The following VPS13C variants were observed in gnomAD, a reference collection of about 807,000 sequenced individuals.
VPS13C encodes vacuolar protein sorting 13 homolog C.
Under a neutral mutation model 456.8 loss-of-function variants are expected in VPS13C, and 358 were observed. That is an observed-to-expected ratio of 0.78 (90% confidence interval 0.72 to 0.86). The LOEUF is 0.86. Among genes scored for constraint, VPS13C ranks in the 40% least tolerant of loss-of-function variants. The pLI, the probability that VPS13C is intolerant of heterozygous loss-of-function variation, is 0.00. For missense variants in VPS13C, 4,818 were observed against 4,385.4 expected, an observed-to-expected ratio of 1.10 and a Z score of -2.79; for synonymous variants, 1,578 against 1,486.7, an observed-to-expected ratio of 1.06 and a Z score of -1.41.
intron 20 of VPS13C, 38 bp downstream of exon 20, chr15:61,983,782 A>G: frequency 6.3e-7 from 1 of 1,589,442 alleles, no homozygotes; most frequent in Non-Finnish European, 8.6e-7. Context: ...GAAGCATAAG[A>G]TGATTTAAAT....
intron 28 of VPS13C, among the ~76,000 whole-genome samples, chr15:61,967,972 T>C (rs1427324417): frequency 1.3e-5 from 2 of 152,078 alleles, no homozygotes; most frequent in African/African-American, 4.8e-5. Context: ...GCAATTCTTT[T>C]AACTCTTGCT....
intron 1 of VPS13C, among the ~76,000 whole-genome samples, chr15:62,057,969 G>A (rs997948335): frequency 1.3e-5 from 2 of 151,976 alleles, no homozygotes; most frequent in Non-Finnish European, 2.9e-5. Flanking sequence ...ATATCCATAC[G>A]TTTTATCTTT....
At chr15:61,975,138 G>C (rs1004390542) in intron 24 of VPS13C, among the ~76,000 whole-genome samples, 2 of 152,112 alleles carry the variant, frequency 1.3e-5, no homozygotes, top group African/African-American at 4.8e-5. Context: ...GCACTGTAGA[G>C]AGGGAAATAT....
Position 61,881,799 on chromosome 15 carries a change from G to T in VPS13C, c.9654C>A (p.Phe3218Leu). Reference sequence around the variant, plus strand: ...GGGCAACAGGATGAAATACAACAGGGAACATTGCACCTGGTAACTGATTAT... The same window carrying T: ...GGGCAACAGGATGAAATACAACAGGTAACATTGCACCTGGTAACTGATTAT... ...QVDNQLPGAM[F>L]PVVFHPVAPP... Residue 3218 changes from phenylalanine (F) to leucine (L), a missense_variant, in exon 70 of 85, where the codon TTC (phenylalanine) becomes TTA (leucine). By Grantham distance (22) the Phe-to-Leu change is conservative. This residue lies in a region of VPS13C where 4,552 missense variants were observed against 4,130.6 expected (regional missense o/e 1.10). Coordinates refer to ENST00000644861, the MANE Select transcript of VPS13C (RefSeq NM_020821.3). 6.2e-7 allele frequency: 1 copy of T among 1,602,902 alleles called. No homozygotes were observed. The highest frequency in any genetic ancestry group is 2.2e-5 in the East Asian group (1 of 44,708).
At chr15:61,892,518 T>C (rs912760672) in intron 66 of VPS13C, among the ~76,000 whole-genome samples, 1 of 152,112 alleles carries the variant, frequency 6.6e-6, no homozygotes, top group African/African-American at 2.4e-5. Flanking sequence ...AAACATATTC[T>C]AGAAAGACCA....
intron 53 of VPS13C, 124 bp downstream of exon 53, chr15:61,925,332 G>A (rs2043812265): frequency 4.3e-6 from 2 of 463,374 alleles, no homozygotes; most frequent in African/African-American, 4.0e-5. Flanking sequence ...ACTGATTACT[G>A]AATATGTGAC....
chr15:62,035,746 AC>A (rs1321994501), intron 3 of VPS13C, among the ~76,000 whole-genome samples: 1 of 152,034 alleles, frequency 6.6e-6, no homozygotes, highest in African/African-American at 2.4e-5. Flanking sequence ...CTTATAAATC[AC>A]TTAGAAGACA....
In VPS13C at chr15:61,960,988, G is replaced by A. The variant is rs959870892; in HGVS notation, c.3908+601C>T. Among the ~76,000 whole-genome samples, 11 of 152,110 alleles carry A rather than the reference G, an allele frequency of 7.2e-5. No individual in the cohort carries two copies. In the South Asian group the frequency reaches 1.0e-3, roughly 14 times the overall value. ...CCCAGTTACTCAGGAGGCTGAGGCA[G>A]GAGAATCACTTGAATCCAGGATGCA... On this transcript the variant is annotated intron_variant, in intron 35 of 84. Transcript: ENST00000644861.
intron 5 of VPS13C, among the ~76,000 whole-genome samples, chr15:62,029,652 G>C (rs887893708): frequency 6.6e-6 from 1 of 151,894 alleles, no homozygotes; most frequent in Non-Finnish European, 1.5e-5. Flanking sequence ...TTTCTTATTT[G>C]TCCAATTAAA....
rs1567101977 is a variant in VPS13C, at chr15:62,007,432, T to C, written c.1166A>G (p.Tyr389Cys). 4 of 1,607,750 alleles carry C rather than the reference T, an allele frequency of 2.5e-6. No homozygotes were observed. Among genetic ancestry groups the C allele is most frequent in the Non-Finnish European group, 3.4e-6 (4 of 1,178,110 alleles). Reference sequence around the variant, plus strand: ...GTTACTCCATGACCACATCTGTGTATACCTTCTTATATGAACTTCAAGAAC... The same window carrying C: ...GTTACTCCATGACCACATCTGTGTACACCTTCTTATATGAACTTCAAGAAC... ...DSVLEVHIRR[Y>C]TQMWSWSNIK... The change falls in exon 15 of 85, where the codon TAT (tyrosine) becomes TGT (cysteine). Residue 389 changes from tyrosine to cysteine, a missense_variant. By Grantham distance (194) the Tyr-to-Cys change is radical. Transcript: ENST00000644861.
intron 66 of VPS13C, among the ~76,000 whole-genome samples, chr15:61,903,946 C>A (rs2043079015): frequency 6.6e-6 from 1 of 152,142 alleles, no homozygotes; most frequent in Non-Finnish European, 1.5e-5. Context: ...GAGAATTAAA[C>A]TAGACCCCTA....
intron 27 of VPS13C, among the ~76,000 whole-genome samples, chr15:61,971,386 C>A (rs964286715): frequency 6.6e-6 from 1 of 152,148 alleles, no homozygotes; most frequent in African/African-American, 2.4e-5. Context: ...CTCAGCCTCC[C>A]GAGCAGCTGG....
chr15:61,950,139 A>C (rs2044737189), intron 41 of VPS13C, among the ~76,000 whole-genome samples: 1 of 152,222 alleles, frequency 6.6e-6, no homozygotes, highest in African/African-American at 2.4e-5. Flanking sequence ...AAGAAATCTA[A>C]GTCAAAACTG....
chr15:61,889,899 A>C (rs1392092174), intron 67 of VPS13C, among the ~76,000 whole-genome samples: 2 of 152,132 alleles, frequency 1.3e-5, no homozygotes, highest in Non-Finnish European at 2.9e-5. Context: ...ACACGCACAC[A>C]TTAAGGACAA....
rs1315461303 is a variant in VPS13C, at chr15:61,958,506, A to C, written c.4165+102T>G. ...TGTTTACTCGGTAATACAAACTGCAATTTGTAAACATATATTTGTTTACTT... is the reference window on the plus strand; with the variant it reads ...TGTTTACTCGGTAATACAAACTGCACTTTGTAAACATATATTTGTTTACTT... On this transcript the variant is annotated intron_variant, in intron 37 of 84. Transcript: ENST00000644861. 4.3e-6 allele frequency: 3 copies of C among 695,418 alleles called. No homozygotes were observed. In the African/African-American group the frequency reaches 5.7e-5, roughly 13 times the overall value. 43.1% of individuals were successfully genotyped at this position (695,418 alleles called of 1,614,324 possible). A position where few individuals can be genotyped will look rare whatever the true frequency, so the allele number is the denominator to read the frequency against.
At chr15:61,913,457 C>G (rs376213607) in intron 61 of VPS13C, 42 bp from the exon 62 acceptor site, 10 of 1,520,990 alleles carry the variant, frequency 6.6e-6, no homozygotes, top group Non-Finnish European at 9.1e-6. Flanking sequence ...AAATCTAAAA[C>G]ACTATAATAA....
intron 22 of VPS13C, among the ~76,000 whole-genome samples, chr15:61,979,333 T>C (rs1176270420): frequency 6.6e-6 from 1 of 152,186 alleles, no homozygotes; most frequent in Admixed American, 6.5e-5. Context: ...TAACTTTTTA[T>C]AACATGACTG....
At chr15:61,957,717 T>C (rs916160255) in intron 37 of VPS13C, among the ~76,000 whole-genome samples, 1 of 152,106 alleles carries the variant, frequency 6.6e-6, no homozygotes, top group Non-Finnish European at 1.5e-5. Context: ...TGTTATCCTA[T>C]AGAAATATAC....
At chr15:62,038,111 G>A (rs1399838917) in intron 3 of VPS13C, among the ~76,000 whole-genome samples, 6 of 152,106 alleles carry the variant, frequency 3.9e-5, no homozygotes, top group African/African-American at 1.4e-4. Context: ...ATAGGAGTAA[G>A]CCATCTTGGC....
Sources: gnomAD v4.1 joint callset for allele counts (sites outside exome capture counted in the v4.1 genomes callset) on GRCh38, gnomAD v4.1.1 for gene constraint, gnomAD v4.1.1 regional missense constraint, MANE v1.5 for transcripts, NCBI Gene and HGNC (gene_info 2026-07-23, HGNC 2026-07-21) for gene names.